OR2T27: variants seen among roughly 807,000 people sequenced by gnomAD.
OR2T27 encodes olfactory receptor 2T27.
For synonymous variants in OR2T27, 51 were observed against 152.9 expected (o/e 0.33, Z 4.92); for missense variants, 152 against 397.2 (o/e 0.38, Z 5.25).
intron 1 of OR2T27, among the ~76,000 whole-genome samples, chr1:248,652,809 C>A (rs146577018): frequency 0.014 from 2,104 of 148,966 alleles, 54 homozygotes; most frequent in African/African-American, 0.048. Flanking sequence ...GAAATATTAC[C>A]AGCTTTATGC....
intron 1 of OR2T27, among the ~76,000 whole-genome samples, chr1:248,653,721 A>T (rs4916161): frequency 1.0e-5 from 1 of 97,592 alleles, no homozygotes; most frequent in Non-Finnish European, 2.4e-5. Context: ...TGATTATGAA[A>T]AAAATTGAAC....
At position 248,649,965 on chromosome 1, in the gene OR2T27, C is replaced by G. The variant is rs775168230; in HGVS notation, c.920G>C (p.Arg307Thr). 2 of 1,578,830 alleles carry G rather than the reference C, an allele frequency of 1.3e-6. 1 individual carries two copies. The highest frequency in any genetic ancestry group is 1.7e-6 in the Non-Finnish European group (2 of 1,156,656). The change falls in exon 2 of 2, where the codon AGG (arginine) becomes ACG (threonine). Residue 307 changes from arginine (R) to threonine (T), a missense_variant. Transcript: ENST00000460972. ...VTGALQKVVG[R>T]CVSSGKVTTF ...GGTTACCTTTCCTGAGGACACACAC[C>G]TCCCCACAACCTTCTGTAGGGCCCC...
rs150066766 is a variant in OR2T27 at position 248,653,447 on chromosome 1, G to A, written c.-5+1997C>T. 4.5e-3 allele frequency among the ~76,000 whole-genome samples: 631 copies of A among 140,526 alleles called. 23 individuals carry two copies. Among genetic ancestry groups the A allele is most frequent in the African/African-American group, 0.015 (605 of 40,238 alleles). The allele number at this position is 140,526 out of a possible 152,430, so 92.2% of individuals were successfully genotyped here. ...CAGTTCTATGTATACCTAATAATTA[G>A]CACATCTTTCCCAGTCTTTATAGAG... On this transcript the variant is annotated intron_variant, in intron 1 of 1. Coordinates refer to ENST00000460972, the MANE Select transcript of OR2T27 (RefSeq NM_001001824.2).
chr1:248,652,443 G>A (rs1306089005), intron 1 of OR2T27, among the ~76,000 whole-genome samples: 5 of 148,232 alleles, frequency 3.4e-5, no homozygotes, highest in Non-Finnish European at 6.0e-5. Context: ...TTCTCAAGAG[G>A]CACATTGGGT....
intron 1 of OR2T27, 142 bp from the exon 2 acceptor site, chr1:248,651,030 G>A (rs537811176): frequency 0.022 from 2,262 of 102,474 alleles, 193 homozygotes; most frequent in African/African-American, 0.052. Flanking sequence ...AACTGCCTGA[G>A]CAGGATTGTG....
intron 1 of OR2T27, among the ~76,000 whole-genome samples, chr1:248,651,115 CAAA>C (rs1661011259): frequency 5.6e-5 from 1 of 17,988 alleles, no homozygotes; most frequent in East Asian, 5.5e-3. Flanking sequence ...AGTTCATGAT[CAAA>C]CAATCTTTTT....
rs777735140 is a variant in OR2T27, at chr1:248,650,815, G to T, written c.70C>A (p.Pro24Thr). ...LLGLFSNARFPWLLFALILLV... is the reference protein window; with the variant it reads ...LLGLFSNARFTWLLFALILLV... ...AGAATGAGGGCAAAGAGAAGCCAGG[G>T]GAAACGGGCGTTGCTGAACAAACCC... is the stretch of plus-strand genomic sequence containing the variant. The change falls in exon 2 of 2, where the codon CCC becomes ACC. Residue 24 changes from proline to threonine, a missense_variant. Pro to Thr is a conservative substitution (Grantham distance 38). Transcript: ENST00000460972. 1 of 1,610,738 alleles carries T rather than the reference G, an allele frequency of 6.2e-7. No individual in the cohort carries two copies. Among genetic ancestry groups the T allele is most frequent in the South Asian group, 1.1e-5 (1 of 90,980 alleles).
intron 1 of OR2T27, among the ~76,000 whole-genome samples, chr1:248,651,912 A>G (rs1198836304): frequency 1.1e-5 from 1 of 87,056 alleles, no homozygotes; most frequent in African/African-American, 3.0e-5. Flanking sequence ...TTAAAAATAT[A>G]TGCAACACAT....
At chr1:248,652,465 T>C (rs2103116316) in intron 1 of OR2T27, among the ~76,000 whole-genome samples, 1 of 147,224 alleles carries the variant, frequency 6.8e-6, no homozygotes, top group Non-Finnish European at 1.5e-5. Flanking sequence ...AGCCAAAGTT[T>C]GATATTCTGA....
chr1:248,651,138 CATTT>C (rs1343581776), intron 1 of OR2T27, among the ~76,000 whole-genome samples: 4 of 75,740 alleles, frequency 5.3e-5, no homozygotes, highest in Non-Finnish European at 7.3e-5. Context: ...TGTTCATGAC[CATTT>C]ATTTCTGTCT....
Position 248,655,431 on chromosome 1 carries a change from A to T in OR2T27, c.-5+13T>A, listed in dbSNP as rs1661097531. Reference sequence around the variant, plus strand: ...CATCCTGCGATTGATCAGCATCAAGACTGCAAACTTACCTTACACAGTATC... The same window carrying T: ...CATCCTGCGATTGATCAGCATCAAGTCTGCAAACTTACCTTACACAGTATC... On this transcript the variant is annotated intron_variant, in intron 1 of 1. Coordinates refer to ENST00000460972, the MANE Select transcript of OR2T27 (RefSeq NM_001001824.2). The T allele has an allele frequency of 1.1e-5, 1 of 90,964 alleles. No homozygotes were observed. The highest frequency in any genetic ancestry group is 1.4e-4 in the Admixed American group (1 of 7,152). 5.6% of individuals were successfully genotyped at this position (90,964 alleles called of 1,614,324 possible).
intron 1 of OR2T27, among the ~76,000 whole-genome samples, chr1:248,654,547 T>TA (rs1303480497): frequency 8.1e-5 from 2 of 24,574 alleles, no homozygotes; most frequent in African/African-American, 9.9e-5. Context: ...ACAACAGGCA[T>TA]AAGAAAGGGA....
chr1:248,651,127 T>TC (rs534315623), intron 1 of OR2T27, among the ~76,000 whole-genome samples: 1,373 of 79,948 alleles, frequency 0.017, 9 homozygotes, highest in African/African-American at 0.038. Context: ...AACAATCTTT[T>TC]TGTTCATGAC....
rs370373865 is a variant in OR2T27 at position 248,650,108 on chromosome 1, G to A, written c.777C>T (p.Tyr259=). 3.3e-5 allele frequency: 52 copies of A among 1,569,552 alleles called. 4 individuals are homozygous for A. The highest frequency in any genetic ancestry group is 2.8e-4 in the African/African-American group (20 of 71,146). ...SLFYGAAMYT[Y]VLPHSYHTPE... ...GGGTGTGGTAAGAATGAGGCAGCAC[G>A]TATGTGTACATGGCAGCCCCATAGA... The change falls in exon 2 of 2, where the codon TAC becomes TAT. Residue 259 remains tyrosine (Y), a synonymous_variant. Transcript: ENST00000460972.
At chr1:248,653,384 TAAC>T (rs1326087314) in intron 1 of OR2T27, among the ~76,000 whole-genome samples, 1 of 141,590 alleles carries the variant, frequency 7.1e-6, no homozygotes, top group South Asian at 2.5e-4. Context: ...CCCCATGTAA[TAAC>T]TGTCTATGCA....
intron 1 of OR2T27, among the ~76,000 whole-genome samples, chr1:248,651,993 TATTTTTTAC>T (rs146907457): frequency 0.029 from 4,227 of 147,992 alleles, no homozygotes; most frequent in African/African-American, 0.1. Context: ...TAGTTTCACC[TATTTTTTAC>T]ATTTTTAATG....
At position 248,653,199 on chromosome 1, in the gene OR2T27, C is replaced by T. The variant is rs143790764; in HGVS notation, c.-5+2245G>A. Among the ~76,000 whole-genome samples, 1,152 of 141,848 alleles carry T rather than the reference C, an allele frequency of 8.1e-3. 21 individuals carry two copies. Among genetic ancestry groups the T allele is most frequent in the African/African-American group, 0.027 (1,035 of 38,122 alleles). 93.1% of individuals were successfully genotyped at this position (141,848 alleles called of 152,430 possible). ...GCTAATGAGACCCTGGGGATCTCCC[C>T]AGCTTACTTCACAAAGGGAAAGGGG... is the stretch of plus-strand genomic sequence containing the variant. On this transcript the variant is annotated intron_variant, in intron 1 of 1. Coordinates refer to ENST00000460972, the MANE Select transcript of OR2T27 (RefSeq NM_001001824.2).
rs1423323180 is a variant in OR2T27, at chr1:248,650,202, A to G, written c.683T>C (p.Met228Thr). Residue 228 changes from methionine to threonine, a missense_variant, in exon 2 of 2, where the codon ATG (methionine) becomes ACG (threonine). Transcript: ENST00000460972. ...YTRILITVYR[M>T]SEAEGRGKAV... is the part of the protein sequence containing the mutation. ...CTTTCCCCTCCCCTCTGCCTCGCTC[A>G]TCCTATAAACAGTAATGAGAATTCT... is the stretch of plus-strand genomic sequence containing the variant. 5 of 1,529,248 alleles carry G rather than the reference A, an allele frequency of 3.3e-6. No homozygotes were observed. The highest frequency in any genetic ancestry group is 2.4e-5 in the East Asian group (1 of 42,460). The allele number at this position is 1,529,248 out of a possible 1,614,324, so 94.7% of individuals were successfully genotyped here.
At position 248,653,839 on chromosome 1, in the gene OR2T27, T is replaced by A. The variant is rs397759960; in HGVS notation, c.-5+1605A>T. Among the ~76,000 whole-genome samples the A allele has an allele frequency of 5.0e-4, 39 of 78,526 alleles. 1 individual carries two copies. Among genetic ancestry groups the A allele is most frequent in the African/African-American group, 9.5e-4 (33 of 34,562 alleles). 51.5% of individuals were successfully genotyped at this position (78,526 alleles called of 152,430 possible). A position where few individuals can be genotyped will look rare whatever the true frequency, so the allele number is the denominator to read the frequency against. Reference sequence around the variant, plus strand: ...ATTTTTTATTAATATTCTTTTGTTCTATTTAGTGCAGCTATTTTGCCCCCC... The same window carrying A: ...ATTTTTTATTAATATTCTTTTGTTCAATTTAGTGCAGCTATTTTGCCCCCC... On this transcript the variant is annotated intron_variant, in intron 1 of 1. Coordinates refer to ENST00000460972, the MANE Select transcript of OR2T27 (RefSeq NM_001001824.2).
Sources: allele counts gnomAD v4.1 joint callset (sites outside exome capture counted in the v4.1 genomes callset), GRCh38; gene constraint gnomAD v4.1.1; transcripts MANE v1.5; gene names NCBI Gene and HGNC (gene_info 2026-07-23, HGNC 2026-07-21).